The following PPFIBP2 variants were observed in gnomAD, a reference collection of about 807,000 sequenced individuals.
PPFIBP2 encodes liprin-beta-2.
In PPFIBP2, 118 loss-of-function variants were observed where a neutral mutation model predicts 118.3. The ratio of observed to expected loss-of-function variants is 1.00; its 90% CI spans 0.86 to 1.16. The LOEUF (loss-of-function observed/expected upper bound fraction) is 1.16, where lower values mean the gene tolerates loss of function less well. Ranked by LOEUF, PPFIBP2 falls within the 50% of genes most tolerant of loss-of-function variation. PPFIBP2 has a pLI of 0.00. For synonymous variants in PPFIBP2, 414 were observed against 397.4 expected (o/e 1.04, Z -0.50); for missense variants, 1,195 against 1,073.1 (o/e 1.11, Z -1.59).
chr11:7,610,444 C>T (rs758464759), intron 6 of PPFIBP2, 22 bp downstream of exon 6: 24 of 1,609,204 alleles, frequency 1.5e-5, no homozygotes, highest in Non-Finnish European at 2.0e-5. Flanking sequence ...TGTGTACTGT[C>T]CTAAGCTCAG....
Position 7,616,571 on chromosome 11 carries a change from T to G in PPFIBP2, c.619-4364T>G, listed in dbSNP as rs2135555721. Among the ~76,000 whole-genome samples the G allele has an allele frequency of 6.6e-6, 1 of 152,306 alleles. No individual in the cohort carries two copies. The highest frequency in any genetic ancestry group is 2.1e-4 in the South Asian group (1 of 4,826). The stretch of plus-strand genomic sequence containing the variant: ...AAAAACGTTGCTTGAGATAATCTTG[T>G]AGACAGGATGGAGGAATAGAAGATG... On this transcript the variant is annotated intron_variant, in intron 6 of 23. Transcript: ENST00000299492. The surrounding 1 kb of genome is among the most constrained non-coding windows in gnomAD (Gnocchi z 5.2).
At chr11:7,646,828 A>T (rs1853146402) in intron 17 of PPFIBP2, among the ~76,000 whole-genome samples, 1 of 152,222 alleles carries the variant, frequency 6.6e-6, no homozygotes, top group African/African-American at 2.4e-5. Context: ...GAGGTACATC[A>T]AGATTTTATA....
rs1487714843 is a variant in PPFIBP2, at chr11:7,650,942, A to G, written c.2224A>G (p.Ser742Gly). ...LAEYAPNLRGSGVHGGLIILE... is the reference protein window; with the variant it reads ...LAEYAPNLRGGGVHGGLIILE... ...AGAGTATGCACCCAATCTTCGAGGG[A>G]GTGGAGTCCATGGAGGCCTCATTGT... The change falls in exon 22 of 24, where the codon AGT becomes GGT. Residue 742 changes from serine to glycine, a missense_variant. Ser to Gly is a moderately conservative substitution (Grantham distance 56). Transcript: ENST00000299492. The G allele has an allele frequency of 6.2e-7, 1 of 1,613,824 alleles. No homozygotes were observed. Among genetic ancestry groups the G allele is most frequent in the South Asian group, 1.1e-5 (1 of 91,022 alleles).
intron 6 of PPFIBP2, among the ~76,000 whole-genome samples, chr11:7,615,752 A>G (rs894320556): frequency 1.3e-5 from 2 of 152,238 alleles, no homozygotes; most frequent in Non-Finnish European, 2.9e-5. Context: ...AGTGATAGGT[A>G]CCTTGAGAGA....
intron 3 of PPFIBP2, among the ~76,000 whole-genome samples, chr11:7,575,045 G>A (rs1158581850): frequency 6.6e-6 from 1 of 151,966 alleles, no homozygotes; most frequent in Non-Finnish European, 1.5e-5. Context: ...ATTGAGTTGA[G>A]CTAACAGAGG....
chr11:7,555,065 A>C (rs1193623708), intron 2 of PPFIBP2, among the ~76,000 whole-genome samples: 1 of 152,122 alleles, frequency 6.6e-6, no homozygotes, highest in African/African-American at 2.4e-5. Flanking sequence ...TATATTGCTT[A>C]ATTACCTCCC....
the PPFIBP2 span, among the ~76,000 whole-genome samples, chr11:7,663,959 G>A: frequency 6.6e-6 from 1 of 152,188 alleles, no homozygotes; most frequent in Non-Finnish European, 1.5e-5. Flanking sequence ...GGAACTCCCT[G>A]ACCCCTTGTG....
At chr11:7,577,348 T>TGTGTATGG in intron 3 of PPFIBP2, 1 of 329,674 alleles carries the variant, frequency 3.0e-6, no homozygotes, top group Non-Finnish European at 6.0e-6. Context: ...TGTGTGTGTG[T>TGTGTATGG]GTGTTTGTTG....
rs1044105571 is a variant in PPFIBP2 at position 7,621,116 on chromosome 11, A to G, written c.711+89A>G. The G allele has an allele frequency of 4.0e-5, 41 of 1,037,116 alleles. No homozygotes were observed. In the African/African-American group the frequency reaches 6.3e-4, roughly 16 times the overall value. 64.2% of individuals were successfully genotyped at this position (1,037,116 alleles called of 1,614,324 possible). A position where few individuals can be genotyped will look rare whatever the true frequency, so the allele number is the denominator to read the frequency against. On this transcript the variant is annotated intron_variant, in intron 7 of 23. Transcript: ENST00000299492. Reference sequence around the variant, plus strand: ...CAACTTGGGGGTTTCCAGTAGCCTAAGTTTGAAAATGCAAATCAACCCTCC... The same window carrying G: ...CAACTTGGGGGTTTCCAGTAGCCTAGGTTTGAAAATGCAAATCAACCCTCC...
In PPFIBP2 at chr11:7,565,741, A is replaced by G. The variant is rs1316065489; in HGVS notation, c.253A>G (p.Ile85Val). The change falls in exon 3 of 24, where the codon ATA becomes GTA. Residue 85 changes from isoleucine (I) to valine (V), a missense_variant. Transcript: ENST00000299492. ...SQIPGPTAAYIKEWFEESLSQ... is the reference protein window; with the variant it reads ...SQIPGPTAAYVKEWFEESLSQ... ...GATCCCTGGCCCAACAGCTGCCTAC[A>G]TAAAGGAATGGTTTGAAGAGAGCTT... is the stretch of plus-strand genomic sequence containing the variant. 20 of 1,614,044 alleles carry G rather than the reference A, an allele frequency of 1.2e-5. No individual in the cohort carries two copies. Among genetic ancestry groups the G allele is most frequent in the Non-Finnish European group, 1.7e-5 (20 of 1,180,024 alleles).
At chr11:7,661,139 C>T (rs1355927675), downstream of PPFIBP2, among the ~76,000 whole-genome samples, 2 of 151,362 alleles carry the variant, frequency 1.3e-5, 1 homozygote, top group Non-Finnish European at 2.9e-5. Context: ...TTTTGTGTCT[C>T]TATTTCCTTC....
intron 5 of PPFIBP2, among the ~76,000 whole-genome samples, chr11:7,599,855 AG>A (rs1234585073): frequency 7.0e-6 from 1 of 142,034 alleles, no homozygotes; most frequent in Admixed American, 7.3e-5. Context: ...CATGTTAGCC[AG>A]GATGGTCTCA....
intron 11 of PPFIBP2, chr11:7,632,517 A>C (rs534522885): frequency 1.1e-5 from 2 of 175,224 alleles, no homozygotes; most frequent in Admixed American, 1.1e-4. Context: ...TTTTTAAAAG[A>C]GTCTGCAGTG....
At chr11:7,567,784 A>G (rs1009193514) in intron 3 of PPFIBP2, among the ~76,000 whole-genome samples, 3 of 152,184 alleles carry the variant, frequency 2.0e-5, no homozygotes, top group African/African-American at 7.2e-5. Context: ...TTGCTGCTCA[A>G]ATTTTGGTCT....
At chr11:7,598,288 A>AT in intron 5 of PPFIBP2, 1 of 306,092 alleles carries the variant, frequency 3.3e-6, no homozygotes, top group Non-Finnish European at 6.4e-6. Context: ...TTAATATTAT[A>AT]TTTTTCCCAT....
intron 2 of PPFIBP2, among the ~76,000 whole-genome samples, chr11:7,553,472 G>A (rs1853231048): frequency 6.6e-6 from 1 of 152,066 alleles, no homozygotes; most frequent in African/African-American, 2.4e-5. Flanking sequence ...TTTTATGATG[G>A]CATTAGGATG....
At chr11:7,562,972 T>TACACACACACAC (rs1310851323) in intron 2 of PPFIBP2, among the ~76,000 whole-genome samples, 12 of 92,630 alleles carry the variant, frequency 1.3e-4, no homozygotes, top group African/African-American at 4.8e-4. Context: ...TATATATATA[T>TACACACACACAC]ATATACACGC....
the PPFIBP2 span, chr11:7,667,137 T>G: frequency 4.6e-5 from 7 of 152,212 alleles, no homozygotes; most frequent in African/African-American, 1.7e-4. Context: ...TCATTCCACT[T>G]CTGGGATTCT....
chr11:7,559,027 A>G (rs1193227220), intron 2 of PPFIBP2, among the ~76,000 whole-genome samples: 1 of 152,060 alleles, frequency 6.6e-6, no homozygotes, highest in Non-Finnish European at 1.5e-5. Flanking sequence ...TTAAATTAGA[A>G]TCCCTGGAGG....
Sources: gnomAD v4.1 joint callset for allele counts (sites outside exome capture counted in the v4.1 genomes callset) on GRCh38, gnomAD v4.1.1 for gene constraint, Gnocchi (gnomAD v3.1) non-coding constraint, MANE v1.5 for transcripts, NCBI Gene and HGNC (gene_info 2026-07-23, HGNC 2026-07-21) for gene names.